Variants in CDK5RAP2 observed in about 807,000 individuals in gnomAD.
CDK5RAP2 encodes CDK5 regulatory subunit-associated protein 2.
CDK5RAP2 carries 147 observed loss-of-function variants against 232.9 expected under a neutral mutation model. The observed-to-expected ratio is 0.63, with a 90% CI of 0.55 to 0.72. The LOEUF (loss-of-function observed/expected upper bound fraction) is 0.72, where lower values mean the gene tolerates loss of function less well. Among genes scored for constraint, CDK5RAP2 ranks in the 30% least tolerant of loss-of-function variants. The probability of loss-of-function intolerance (pLI) is 0.00; values close to 1 mark genes in which losing one functional copy is unlikely to be tolerated. For missense variants in CDK5RAP2, 2,195 were observed against 2,231.5 expected (o/e 0.98, Z 0.33); for synonymous variants, 833 against 833.7 (o/e 1.00, Z 0.01).
intron 7 of CDK5RAP2, among the ~76,000 whole-genome samples, chr9:120,533,030 G>A (rs2041223252): frequency 6.6e-6 from 1 of 152,116 alleles, no homozygotes; most frequent in Non-Finnish European, 1.5e-5. Context: ...TGTTCTCTCT[G>A]CTAGGCAAAG....
At position 120,448,030 on chromosome 9, in the gene CDK5RAP2, G is replaced by A. The variant is rs2036286431; in HGVS notation, c.2890C>T (p.Leu964=). ...TGCAGCTCCAAGATCTGGCTCTGCA[G>A]CTGCGTCACCACCTCCTGGGTGGCA... The part of the protein sequence containing the change: ...LPATQEVVTQ[L]QSQILELQGE... Residue 964 remains leucine (L), a synonymous_variant, in exon 22 of 38, where the codon CTG becomes TTG. Transcript: ENST00000349780. 6.2e-7 allele frequency: 1 copy of A among 1,614,036 alleles called. No individual in the cohort carries two copies. Among genetic ancestry groups the A allele is most frequent in the Non-Finnish European group, 8.5e-7 (1 of 1,180,030 alleles).
At chr9:120,564,579 T>C (rs573941445) in intron 3 of CDK5RAP2, among the ~76,000 whole-genome samples, 1 of 151,628 alleles carries the variant, frequency 6.6e-6, no homozygotes, top group South Asian at 2.1e-4. Context: ...AAGTGAGAAA[T>C]TAGAAACAAC....
chr9:120,573,147 A>G (rs2042913526), intron 1 of CDK5RAP2, among the ~76,000 whole-genome samples: 1 of 152,206 alleles, frequency 6.6e-6, no homozygotes, highest in Non-Finnish European at 1.5e-5. Flanking sequence ...TCCTAGGATA[A>G]TTTTGCCTGA....
At position 120,472,317 on chromosome 9, in the gene CDK5RAP2, T is replaced by C. The variant is rs10984923; in HGVS notation, c.1728-439A>G. 1.3e-4 allele frequency among the ~76,000 whole-genome samples: 20 copies of C among 152,350 alleles called. No individual in the cohort carries two copies. The East Asian group carries it at 3.3e-3, about 25-fold the overall frequency. ...TTGGGTCATTTCCAAATTTTTGCTA[T>C]AGGCGTTAACTAGGTGAAAATAACG... On this transcript the variant is annotated intron_variant, in intron 15 of 37. Transcript: ENST00000349780.
At chr9:120,467,539 G>C (rs148283924) in intron 18 of CDK5RAP2, among the ~76,000 whole-genome samples, 2 of 151,868 alleles carry the variant, frequency 1.3e-5, no homozygotes, top group South Asian at 4.2e-4. Context: ...AAAACCTTTC[G>C]GGTTGTTATA....
Position 120,471,729 on chromosome 9 carries a change from C to A in CDK5RAP2, c.1858+19G>T. The A allele has an allele frequency of 6.2e-7, 1 of 1,613,996 alleles. No homozygotes were observed. Among genetic ancestry groups the A allele is most frequent in the Non-Finnish European group, 8.5e-7 (1 of 1,179,874 alleles). ...CAAGTGGAAAAACCAAAGAGAAGCA[C>A]ATAGAATAAAGTGTGTACCTTCCCG... On this transcript the variant is annotated intron_variant, in intron 16 of 37. Coordinates refer to ENST00000349780, the MANE Select transcript of CDK5RAP2 (RefSeq NM_018249.6).
chr9:120,556,015 T>C (rs1256963711), intron 3 of CDK5RAP2, among the ~76,000 whole-genome samples: 1 of 152,194 alleles, frequency 6.6e-6, no homozygotes, highest in African/African-American at 2.4e-5. Context: ...GGGCATTAGT[T>C]GCCACAGGCT....
intron 16 of CDK5RAP2, among the ~76,000 whole-genome samples, chr9:120,471,202 C>T (rs1236294944): frequency 6.6e-6 from 1 of 152,210 alleles, no homozygotes; most frequent in Non-Finnish European, 1.5e-5. Context: ...CCAACCCAAA[C>T]TTTAAAGGGC....
At chr9:120,477,155 A>T (rs2038060533) in intron 15 of CDK5RAP2, among the ~76,000 whole-genome samples, 195 bp downstream of exon 15, 1 of 152,250 alleles carries the variant, frequency 6.6e-6, no homozygotes, top group Non-Finnish European at 1.5e-5. Context: ...AAATCAGACA[A>T]TTCTTGATAG....
Position 120,437,458 on chromosome 9 carries a change from A to G in CDK5RAP2, c.3792T>C (p.His1264=). The G allele has an allele frequency of 6.2e-7, 1 of 1,614,182 alleles. No individual in the cohort carries two copies. The highest frequency in any genetic ancestry group is 8.5e-7 in the Non-Finnish European group (1 of 1,180,020). ...SLQRQQIKDG[H]GICVISRQHM... ...GTTGACGGGAGATGACACAGATGCC[A>G]TGGCCATCCTTAATCTGCTGCCGTT... is the stretch of plus-strand genomic sequence containing the variant. Residue 1264 remains histidine (H), a synonymous_variant, in exon 25 of 38, where the codon CAT becomes CAC. Transcript: ENST00000349780.
At chr9:120,449,680 CA>C (rs2036381220) in intron 21 of CDK5RAP2, among the ~76,000 whole-genome samples, 1 of 152,144 alleles carries the variant, frequency 6.6e-6, no homozygotes, top group African/African-American at 2.4e-5. Context: ...ATAATAAAAA[CA>C]AATAATCCAA....
At chr9:120,561,904 T>C (rs943617078) in intron 3 of CDK5RAP2, among the ~76,000 whole-genome samples, 3 of 152,200 alleles carry the variant, frequency 2.0e-5, no homozygotes, top group African/African-American at 7.2e-5. Flanking sequence ...TGTGCTCTCA[T>C]GGAAAGTGAC....
rs71509524 is a variant in CDK5RAP2 at position 120,525,110 on chromosome 9, T to C, written c.1000-32A>G. ...AAAAATAATGAATACCAGCCAAGTA[T>C]GTAACTGGGCTCTCCTCTCTGCACA... On this transcript the variant is annotated intron_variant, in intron 10 of 37. Transcript: ENST00000349780. 5,048 of 1,510,700 alleles carry C rather than the reference T, an allele frequency of 3.3e-3. 21 individuals carry two copies. The highest frequency in any genetic ancestry group is 3.3e-3 in the Non-Finnish European group (3,623 of 1,086,552). The allele number at this position is 1,510,700 out of a possible 1,614,324, so 93.6% of individuals were successfully genotyped here.
At chr9:120,546,795 G>A (rs772501576) in intron 4 of CDK5RAP2, among the ~76,000 whole-genome samples, 1 of 151,814 alleles carries the variant, frequency 6.6e-6, no homozygotes, top group Non-Finnish European at 1.5e-5. Context: ...TGCCACACCC[G>A]TCTTTTCGTT....
At chr9:120,547,887 C>T (rs1011101178) in intron 4 of CDK5RAP2, among the ~76,000 whole-genome samples, 2 of 152,230 alleles carry the variant, frequency 1.3e-5, no homozygotes, top group African/African-American at 4.8e-5. Context: ...CTGAAGTGAA[C>T]AAGACATGCT....
At chr9:120,555,837 T>C (rs1373691397) in intron 3 of CDK5RAP2, among the ~76,000 whole-genome samples, 1 of 152,200 alleles carries the variant, frequency 6.6e-6, no homozygotes, top group African/African-American at 2.4e-5. Context: ...GGATAAACAG[T>C]AGACATCCAT....
intron 14 of CDK5RAP2, among the ~76,000 whole-genome samples, chr9:120,487,091 G>A (rs1010361157): frequency 3.9e-5 from 6 of 152,154 alleles, no homozygotes; most frequent in African/African-American, 7.2e-5. Context: ...TCTCAGTTTC[G>A]TGTGCAGTGC....
intron 26 of CDK5RAP2, among the ~76,000 whole-genome samples, chr9:120,420,755 T>C (rs1485549738): frequency 6.6e-6 from 1 of 152,230 alleles, no homozygotes; most frequent in Non-Finnish European, 1.5e-5. Flanking sequence ...AAGGCTGCAA[T>C]GCATTCATTA....
chr9:120,409,386 A>T, intron 29 of CDK5RAP2, 70 bp from the exon 30 acceptor site: 1 of 1,073,864 alleles, frequency 9.3e-7, no homozygotes. Context: ...ATATAAATAC[A>T]GCACTTCAAG....
Sources: allele counts gnomAD v4.1 joint callset (sites outside exome capture counted in the v4.1 genomes callset), GRCh38; gene constraint gnomAD v4.1.1; transcripts MANE v1.5; gene names NCBI Gene and HGNC (gene_info 2026-07-23, HGNC 2026-07-21).